The following LINGO2 variants were observed in gnomAD, a reference collection of about 807,000 sequenced individuals.
The protein encoded by LINGO2 is leucine rich repeat and Ig domain containing 2.
LINGO2 carries 14 observed loss-of-function variants against 30.6 expected under a neutral mutation model. The ratio of observed to expected loss-of-function variants is 0.46; its 90% CI spans 0.30 to 0.72. The LOEUF (loss-of-function observed/expected upper bound fraction) is 0.72. Among genes scored for constraint, LINGO2 ranks in the 30% least tolerant of loss-of-function variants. LINGO2 has a pLI of 0.07. For synonymous variants in LINGO2, 317 were observed against 288.5 expected (o/e 1.10, Z -1.00); for missense variants, 729 against 751.7 (o/e 0.97, Z 0.35).
chr9:27,951,240 A>G (rs1431645144), intron 5 of LINGO2, among the ~76,000 whole-genome samples: 4 of 152,224 alleles, frequency 2.6e-5, no homozygotes, highest in Admixed American at 2.6e-4. Flanking sequence ...AGGTGTTGGA[A>G]TGTTTTTCTT....
chr9:28,292,666 G>T (rs1823773765), intron 4 of LINGO2, among the ~76,000 whole-genome samples: 1 of 152,084 alleles, frequency 6.6e-6, no homozygotes, highest in African/African-American at 2.4e-5. Context: ...GTTTCACCAT[G>T]TTGGTCAGGC....
At chr9:28,301,706 A>C (rs1397610703) in intron 3 of LINGO2, among the ~76,000 whole-genome samples, 2 of 152,186 alleles carry the variant, frequency 1.3e-5, no homozygotes, top group Non-Finnish European at 2.9e-5. Flanking sequence ...TGATTCTTCC[A>C]TGAATTGCAT....
At chr9:28,000,382 A>AAAAGAAGGAGGAGG (rs1821888420) in intron 5 of LINGO2, among the ~76,000 whole-genome samples, 1 of 149,410 alleles carries the variant, frequency 6.7e-6, no homozygotes, top group Non-Finnish European at 1.5e-5. Flanking sequence ...GAAGGAGGAG[A>AAAAGAAGGAGGAGG]AAAAAAGGAG....
the LINGO2 span, among the ~76,000 whole-genome samples, chr9:29,099,471 G>C: frequency 1.3e-5 from 2 of 152,094 alleles, no homozygotes; most frequent in Middle Eastern, 3.2e-3. Flanking sequence ...GAAAATATCT[G>C]TATACTACCC....
the LINGO2 span, among the ~76,000 whole-genome samples, chr9:28,681,119 A>G: frequency 2.0e-5 from 3 of 151,920 alleles, no homozygotes. Context: ...ATTTTTGTAT[A>G]TAGTGTTGGA....
chr9:28,471,188 G>T (rs1266530266), intron 2 of LINGO2, among the ~76,000 whole-genome samples: 3 of 152,110 alleles, frequency 2.0e-5, no homozygotes, highest in Non-Finnish European at 4.4e-5. Context: ...CTGAGACTGA[G>T]CAATTTGTAA....
rs149957577 is a variant in LINGO2, at chr9:28,451,182, C to T, written c.-279+24758G>A. On this transcript the variant is annotated intron_variant, in intron 2 of 5. Coordinates refer to ENST00000379992, the Ensembl canonical transcript of LINGO2. ...CAATATTTCCCTGTGTTTATAAGAACTCTACTTGGGTATAATGTTTCAATA... is the reference window on the plus strand; with the variant it reads ...CAATATTTCCCTGTGTTTATAAGAATTCTACTTGGGTATAATGTTTCAATA... Among the ~76,000 whole-genome samples the T allele has an allele frequency of 1.2e-3, 181 of 151,918 alleles. 2 individuals are homozygous for T. The highest frequency in any genetic ancestry group is 4.2e-3 in the African/African-American group (174 of 41,520).
intron 1 of LINGO2, among the ~76,000 whole-genome samples, chr9:28,609,348 T>G (rs922900259): frequency 1.3e-5 from 2 of 151,858 alleles, no homozygotes; most frequent in Admixed American, 6.6e-5. Context: ...ATGTGATAGC[T>G]GGAGAAAATT....
chr9:28,950,196 G>C, the LINGO2 span, among the ~76,000 whole-genome samples: 2 of 152,098 alleles, frequency 1.3e-5, no homozygotes, highest in African/African-American at 4.8e-5. Flanking sequence ...AGTCAACACC[G>C]CTTCATGCTA....
the LINGO2 span, among the ~76,000 whole-genome samples, chr9:28,847,860 A>G: frequency 8.2e-6 from 1 of 122,038 alleles, no homozygotes; most frequent in Non-Finnish European, 1.7e-5. Context: ...ATGTATATAT[A>G]CTATATACAT....
chr9:28,459,536 A>G (rs1394198561), intron 2 of LINGO2, among the ~76,000 whole-genome samples: 1 of 152,106 alleles, frequency 6.6e-6, no homozygotes, highest in Non-Finnish European at 1.5e-5. Context: ...TAATATTTAA[A>G]TGATTTAATA....
chr9:28,684,948 G>A, the LINGO2 span, among the ~76,000 whole-genome samples: 3 of 152,068 alleles, frequency 2.0e-5, no homozygotes, highest in Non-Finnish European at 4.4e-5. Context: ...TGCATAACAC[G>A]TGATAGGTGA....
chr9:28,563,814 C>T lies in LINGO2; in HGVS notation c.-364-87789G>A, dbSNP rs1241515623. Among the ~76,000 whole-genome samples the T allele has an allele frequency of 3.9e-5, 6 of 152,232 alleles. No individual in the cohort carries two copies. In the East Asian group the frequency reaches 7.7e-4, roughly 20 times the overall value. On this transcript the variant is annotated intron_variant, in intron 1 of 5. Transcript: ENST00000379992. ...TGATCTGACATTCAGTGCCCAGAAT[C>T]GCGGCTGCTGAGCCAAGTAAACCAC... is the stretch of plus-strand genomic sequence containing the variant.
At chr9:28,690,335 G>A in the LINGO2 span, among the ~76,000 whole-genome samples, 11 of 152,138 alleles carry the variant, frequency 7.2e-5, no homozygotes, top group Non-Finnish European at 1.2e-4. Context: ...ACACAGCTAA[G>A]ATGTACCCAG....
the LINGO2 span, among the ~76,000 whole-genome samples, chr9:29,149,620 A>G: frequency 6.6e-6 from 1 of 151,944 alleles, no homozygotes; most frequent in Non-Finnish European, 1.5e-5. Flanking sequence ...GAGTGAAGGG[A>G]TAGCAGGGCA....
the LINGO2 span, among the ~76,000 whole-genome samples, chr9:28,694,552 A>G: frequency 1.3e-5 from 2 of 152,032 alleles, no homozygotes; most frequent in Non-Finnish European, 2.9e-5. Flanking sequence ...AAATCCTTAC[A>G]TATACCAACT....
the LINGO2 span, among the ~76,000 whole-genome samples, chr9:29,086,589 G>A: frequency 3.9e-5 from 6 of 152,002 alleles, no homozygotes; most frequent in Non-Finnish European, 1.5e-5. Flanking sequence ...ATTATTTAAT[G>A]TTCTTCTAGG....
the LINGO2 span, among the ~76,000 whole-genome samples, chr9:29,162,172 G>A: frequency 1.3e-4 from 19 of 151,982 alleles, no homozygotes; most frequent in Admixed American, 7.9e-4. Context: ...CACCTGCTTC[G>A]GCCTCCAAAA....
intron 4 of LINGO2, among the ~76,000 whole-genome samples, chr9:28,050,773 A>G (rs905247979): frequency 1.3e-5 from 2 of 151,002 alleles, no homozygotes; most frequent in East Asian, 3.9e-4. Flanking sequence ...TACAACTTAA[A>G]ATATTCATGT....
Sources: gnomAD v4.1 joint callset for allele counts (sites outside exome capture counted in the v4.1 genomes callset) on GRCh38, gnomAD v4.1.1 for gene constraint, MANE v1.5 for transcripts, NCBI Gene and HGNC (gene_info 2026-07-23, HGNC 2026-07-21) for gene names.